The following HOXD11 variants were observed in gnomAD, a reference collection of about 807,000 sequenced individuals.
The protein encoded by HOXD11 is homeobox D11.
In HOXD11, 16 loss-of-function variants were observed where a neutral mutation model predicts 23.1. The ratio of observed to expected loss-of-function variants is 0.69; its 90% CI spans 0.47 to 1.05. The LOEUF is 1.05. Ranked by LOEUF, HOXD11 falls within the 50% of genes least tolerant of loss-of-function variation. HOXD11 has a pLI of 0.00. For missense variants in HOXD11, 564 were observed against 495.6 expected, an observed-to-expected ratio of 1.14 and a Z score of -1.31; for synonymous variants, 262 against 224.4, an observed-to-expected ratio of 1.17 and a Z score of -1.50.
the HOXD11 span, among the ~76,000 whole-genome samples, chr2:176,114,930 C>G: frequency 1.1e-4 from 17 of 152,364 alleles, no homozygotes; most frequent in East Asian, 2.9e-3. Flanking sequence ...AGTTTCTTGG[C>G]TGGCAGGAAG....
chr2:176,112,717 T>A (rs1195386968), downstream of HOXD11, among the ~76,000 whole-genome samples: 1 of 152,240 alleles, frequency 6.6e-6, no homozygotes, highest in African/African-American at 2.4e-5. Context: ...TAAATGTCGT[T>A]GTCCTCTCAA....
At chr2:176,108,743 G>A (rs1345700829) in intron 1 of HOXD11, 164 bp from the exon 2 acceptor site, 2 of 594,388 alleles carry the variant, frequency 3.4e-6, no homozygotes, top group Non-Finnish European at 5.9e-6. Context: ...TCCTGTGCCC[G>A]CCCATATATC....
At chr2:176,108,705 G>A (rs1393709444) in intron 1 of HOXD11, 5 of 578,824 alleles carry the variant, frequency 8.6e-6, no homozygotes, top group Non-Finnish European at 1.5e-5. Context: ...GTGTCCGGGC[G>A]TGAACACATG....
Position 176,107,651 on chromosome 2 carries a change from G to A in HOXD11, c.296G>A (p.Gly99Asp). The A allele has an allele frequency of 2.0e-6, 2 of 976,718 alleles. No homozygotes were observed. Among genetic ancestry groups the A allele is most frequent in the Non-Finnish European group, 2.4e-6 (2 of 824,112 alleles). The allele number at this position is 976,718 out of a possible 1,614,324, so 60.5% of individuals were successfully genotyped here. A position where few individuals can be genotyped will look rare whatever the true frequency, so the allele number is the denominator to read the frequency against. ...SGGGPGGGGG[G>D]AGGYAPYYAA... ...GGCGGCCCCGGCGGGGGCGGCGGCG[G>A]CGCGGGGGGCTACGCTCCCTACTAC... Residue 99 changes from glycine (G) to aspartate (D), a missense_variant, in exon 1 of 2, where the codon GGC becomes GAC. Coordinates refer to ENST00000249504, the MANE Select transcript of HOXD11 (RefSeq NM_021192.3).
rs1689601740 is a variant in HOXD11 at position 176,107,685 on chromosome 2, G to A, written c.330G>A (p.Ala110=). The A allele has an allele frequency of 1.0e-5, 10 of 995,842 alleles. No individual in the cohort carries two copies. Among genetic ancestry groups the A allele is most frequent in the Non-Finnish European group, 1.2e-5 (10 of 839,546 alleles). The allele number at this position is 995,842 out of a possible 1,614,324, so 61.7% of individuals were successfully genotyped here. A position where few individuals can be genotyped will look rare whatever the true frequency, so the allele number is the denominator to read the frequency against. Reference sequence around the variant, plus strand: ...GCTACGCTCCCTACTACGCGGCGGCGGCGGCGGCGGCTGCGGCGGCCGCGG... The same window carrying A: ...GCTACGCTCCCTACTACGCGGCGGCAGCGGCGGCGGCTGCGGCGGCCGCGG... ...AGGYAPYYAA[A]AAAAAAAAAA... Residue 110 remains alanine, a synonymous_variant, in exon 1 of 2, where the codon GCG becomes GCA. Transcript: ENST00000249504.
Position 176,107,808 on chromosome 2 carries a change from G to C in HOXD11, c.453G>C (p.Pro151=), listed in dbSNP as rs778609010. Residue 151 remains proline (P), a synonymous_variant, in exon 1 of 2, where the codon CCG becomes CCC. Coordinates refer to ENST00000249504, the MANE Select transcript of HOXD11 (RefSeq NM_021192.3). ...FKAPEPVCAA[P]GPPHGPAGAA... is the part of the protein sequence containing the mutation. Reference sequence around the variant, plus strand: ...CGCCTGAGCCGGTGTGCGCTGCGCCGGGGCCGCCGCACGGCCCCGCGGGCG... The same window carrying C: ...CGCCTGAGCCGGTGTGCGCTGCGCCCGGGCCGCCGCACGGCCCCGCGGGCG... 67 of 1,394,386 alleles carry C rather than the reference G, an allele frequency of 4.8e-5. No individual in the cohort carries two copies. In the South Asian group the frequency reaches 8.9e-4, roughly 19 times the overall value. The allele number at this position is 1,394,386 out of a possible 1,614,324, so 86.4% of individuals were successfully genotyped here.
chr2:176,110,153 G>A (rs1160870788), downstream of HOXD11, among the ~76,000 whole-genome samples: 1 of 152,194 alleles, frequency 6.6e-6, no homozygotes, highest in Non-Finnish European at 1.5e-5. Flanking sequence ...AGTAGGGAAG[G>A]TAAACCCTCC....
chr2:176,109,469 T>C lies in HOXD11; in HGVS notation c.*327T>C. Reference sequence around the variant, plus strand: ...GGGGTCTGTAGGAAGTTGGGCCGGGTTGGGGGTTGCTAGAAGGCGCTGGTG... The same window carrying C: ...GGGGTCTGTAGGAAGTTGGGCCGGGCTGGGGGTTGCTAGAAGGCGCTGGTG... On this transcript the variant is annotated 3_prime_UTR_variant, in exon 2 of 2. Coordinates refer to ENST00000249504, the MANE Select transcript of HOXD11 (RefSeq NM_021192.3). The C allele has an allele frequency of 3.1e-6, 1 of 320,176 alleles. No homozygotes were observed. Among genetic ancestry groups the C allele is most frequent in the Non-Finnish European group, 5.8e-6 (1 of 172,662 alleles). 19.8% of individuals were successfully genotyped at this position (320,176 alleles called of 1,614,324 possible).
At chr2:176,111,839 A>AAAAAAAAAAAAAAAAC (rs1689678592), downstream of HOXD11, among the ~76,000 whole-genome samples, 1 of 148,052 alleles carries the variant, frequency 6.8e-6, no homozygotes, top group African/African-American at 2.5e-5. Context: ...AAAAAAAAAA[A>AAAAAAAAAAAAAAAAC]AAAAAAAAAA....
chr2:176,115,054 G>T, the HOXD11 span, among the ~76,000 whole-genome samples: 3 of 152,270 alleles, frequency 2.0e-5, no homozygotes, highest in Non-Finnish European at 4.4e-5. Context: ...CCGGGCTTCC[G>T]CAGGGCGGCT....
At chr2:176,108,717 C>T in intron 1 of HOXD11, 190 bp from the exon 2 acceptor site, 3 of 566,978 alleles carry the variant, frequency 5.3e-6, no homozygotes, top group South Asian at 4.2e-5. Flanking sequence ...GAACACATGT[C>T]CACGCCCGCA....
At position 176,107,314 on chromosome 2, in the gene HOXD11, G is replaced by T. The variant is rs531391818; in HGVS notation, c.-42G>T. On this transcript the variant is annotated 5_prime_UTR_variant, in exon 1 of 2. Coordinates refer to ENST00000249504, the MANE Select transcript of HOXD11 (RefSeq NM_021192.3). ...AATCGATGGCTCAGGTTGGCTGCGC[G>T]GGGAGCGGCCAGAGGCTCGCTGGCG... The T allele has an allele frequency of 1.3e-6, 2 of 1,569,090 alleles. No individual in the cohort carries two copies. The highest frequency in any genetic ancestry group is 2.4e-5 in the East Asian group (1 of 41,944).
the HOXD11 span, among the ~76,000 whole-genome samples, chr2:176,114,803 G>A: frequency 6.6e-6 from 1 of 152,246 alleles, no homozygotes; most frequent in Non-Finnish European, 1.5e-5. Context: ...CACAAGTTCA[G>A]TCTCTGGGCC....
At chr2:176,114,963 G>C in the HOXD11 span, among the ~76,000 whole-genome samples, 15 of 152,256 alleles carry the variant, frequency 9.9e-5, no homozygotes, top group African/African-American at 2.9e-4. Context: ...GCCGAAGGAC[G>C]GCTCCAAGCC....
At chr2:176,108,696 T>TGTGTGTGTGTGTCC (rs960078937) in intron 1 of HOXD11, 2 of 579,012 alleles carry the variant, frequency 3.5e-6, no homozygotes, top group African/African-American at 3.8e-5. Context: ...TGTGTGTGTG[T>TGTGTGTGTGTGTCC]GTCCGGGCGT....
chr2:176,109,382 A>C lies in HOXD11; in HGVS notation c.*240A>C. 4.3e-6 allele frequency: 2 copies of C among 461,232 alleles called. No homozygotes were observed. The highest frequency in any genetic ancestry group is 3.0e-5 in the South Asian group (1 of 33,210). 28.6% of individuals were successfully genotyped at this position (461,232 alleles called of 1,614,324 possible). ...TGGTAAATGCAAACGTCCCGTTACA[A>C]TTTTACCGCCAGTGTGCTGTCGTTC... On this transcript the variant is annotated 3_prime_UTR_variant, in exon 2 of 2. Coordinates refer to ENST00000249504, the MANE Select transcript of HOXD11 (RefSeq NM_021192.3).
rs927604687 is a variant in HOXD11 at position 176,109,215 on chromosome 2, C to T, written c.*73C>T. On this transcript the variant is annotated 3_prime_UTR_variant, in exon 2 of 2. Coordinates refer to ENST00000249504, the MANE Select transcript of HOXD11 (RefSeq NM_021192.3). ...TCCCACCAGCCTGCTCTCCGCAGGC[C>T]CACTGTCCTTGGGTTTAATGACGTC... 13 of 901,038 alleles carry T rather than the reference C, an allele frequency of 1.4e-5. No individual in the cohort carries two copies. Among genetic ancestry groups the T allele is most frequent in the South Asian group, 8.6e-5 (6 of 69,818 alleles). 55.8% of individuals were successfully genotyped at this position (901,038 alleles called of 1,614,324 possible). A position where few individuals can be genotyped will look rare whatever the true frequency, so the allele number is the denominator to read the frequency against.
At chr2:176,108,749 A>G in intron 1 of HOXD11, 158 bp from the exon 2 acceptor site, 2 of 604,360 alleles carry the variant, frequency 3.3e-6, no homozygotes, top group East Asian at 5.5e-5. Flanking sequence ...GCCCGCCCAT[A>G]TATCATCCCC....
chr2:176,108,705 G>T, intron 1 of HOXD11: 2 of 578,946 alleles, frequency 3.5e-6, no homozygotes, highest in South Asian at 2.1e-5. Context: ...GTGTCCGGGC[G>T]TGAACACATG....
Sources: allele counts gnomAD v4.1 joint callset (sites outside exome capture counted in the v4.1 genomes callset), GRCh38; gene constraint gnomAD v4.1.1; transcripts MANE v1.5; gene names NCBI Gene and HGNC (gene_info 2026-07-23, HGNC 2026-07-21).